Variants in CFAP46 observed in about 807,000 individuals in gnomAD.
CFAP46 encodes the protein cilia and flagella associated protein 46, also known as cilia- and flagella-associated protein 46.
Under a neutral mutation model 325.7 loss-of-function variants are expected in CFAP46, and 245 were observed. The ratio of observed to expected loss-of-function variants is 0.75; its 90% CI spans 0.68 to 0.84. The LOEUF (loss-of-function observed/expected upper bound fraction) is 0.84. Ranked by LOEUF, CFAP46 falls within the 40% of genes least tolerant of loss-of-function variation. The probability of loss-of-function intolerance (pLI) is 0.00; values close to 1 mark genes in which losing one functional copy is unlikely to be tolerated. For missense variants in CFAP46, 3,346 were observed against 3,543.0 expected (o/e 0.94, Z 1.41); for synonymous variants, 1,523 against 1,495.9 (o/e 1.02, Z -0.42).
intron 9 of CFAP46, 85 bp from the exon 10 acceptor site, chr10:132,926,751 A>G: frequency 1.0e-6 from 1 of 979,752 alleles, no homozygotes; most frequent in South Asian, 1.4e-5. Flanking sequence ...GGCATTTAAA[A>G]TATTACTGGG....
At chr10:132,907,969 GC>G (rs762244420) in intron 22 of CFAP46, among the ~76,000 whole-genome samples, 2 of 152,228 alleles carry the variant, frequency 1.3e-5, no homozygotes, top group Non-Finnish European at 2.9e-5. Flanking sequence ...TGGGGTGGGA[GC>G]CCCCCGGTCT....
Position 132,889,547 on chromosome 10 carries a change from C to T in CFAP46, c.3304+2786G>A, listed in dbSNP as rs1463580648. Among the ~76,000 whole-genome samples the T allele has an allele frequency of 1.3e-5, 2 of 152,194 alleles. No homozygotes were observed. Among genetic ancestry groups the T allele is most frequent in the African/African-American group, 4.8e-5 (2 of 41,442 alleles). ...ACCAGGGTCCAATGAACTTGGAAAC[C>T]ACACATAGGGTCGCAGGGAGTCCTC... On this transcript the variant is annotated intron_variant, in intron 25 of 57. Transcript: ENST00000368586. The surrounding 1 kb of genome is among the most constrained non-coding windows in gnomAD (Gnocchi z 6.0).
rs549889013 is a variant in CFAP46, at chr10:132,935,580, A to G, written c.756-718T>C. ...ACACTGCGATCTTCTCATTCCCCTC[A>G]GCACCCAAACCCACTGTGATCTCCT... is the stretch of plus-strand genomic sequence containing the variant. On this transcript the variant is annotated intron_variant, in intron 7 of 57. Transcript: ENST00000368586. Among the ~76,000 whole-genome samples the G allele has an allele frequency of 8.4e-4, 104 of 123,988 alleles. 1 individual carries two copies. Among genetic ancestry groups the G allele is most frequent in the African/African-American group, 2.6e-3 (78 of 29,850 alleles). 81.3% of individuals were successfully genotyped at this position (123,988 alleles called of 152,430 possible).
Position 132,881,761 on chromosome 10 carries a change from G to C in CFAP46, c.3628-729C>G, listed in dbSNP as rs553482818. Among the ~76,000 whole-genome samples, 4 of 152,390 alleles carry C rather than the reference G, an allele frequency of 2.6e-5. No individual in the cohort carries two copies. In the East Asian group the frequency reaches 7.7e-4, roughly 29 times the overall value. Reference sequence around the variant, plus strand: ...ACTCTTCTCCAGCAGGGTGGACCTCGCACTGGCACCACACCACGTGCCATG... The same window carrying C: ...ACTCTTCTCCAGCAGGGTGGACCTCCCACTGGCACCACACCACGTGCCATG... On this transcript the variant is annotated intron_variant, in intron 27 of 57. Transcript: ENST00000368586.
At chr10:132,917,467 G>A (rs867667028) in intron 16 of CFAP46, among the ~76,000 whole-genome samples, 9 of 152,364 alleles carry the variant, frequency 5.9e-5, no homozygotes, top group Admixed American at 1.3e-4. Flanking sequence ...GGGAGTCTCT[G>A]AGCCTGCGTG....
chr10:132,885,745 G>T (rs1423516118), intron 26 of CFAP46, 76 bp downstream of exon 26: 1 of 1,449,400 alleles, frequency 6.9e-7, no homozygotes, highest in African/African-American at 1.5e-5. Flanking sequence ...AGGCGGTGTG[G>T]GGAGCACTCA....
intron 44 of CFAP46, among the ~76,000 whole-genome samples, chr10:132,843,643 T>C (rs12780956): frequency 3.3e-4 from 21 of 64,462 alleles, no homozygotes; most frequent in African/African-American, 6.1e-4. Context: ...CCCAGGGTGC[T>C]GTGGGGCTCT....
intron 50 of CFAP46, among the ~76,000 whole-genome samples, chr10:132,816,558 C>G (rs1432290039): frequency 2.6e-5 from 4 of 152,094 alleles, no homozygotes; most frequent in African/African-American, 7.2e-5. Context: ...GTCTCGATCT[C>G]CTGACCTTGG....
At chr10:132,888,392 A>C (rs1849200747) in intron 25 of CFAP46, among the ~76,000 whole-genome samples, 1 of 47,124 alleles carries the variant, frequency 2.1e-5, no homozygotes, top group Non-Finnish European at 3.6e-5. Context: ...TGCCGCCTGC[A>C]CCCCTGCCGC....
In CFAP46 at chr10:132,918,509, GCTT is replaced by G. The variant is rs747424728; in HGVS notation, c.1867_1869del (p.Lys623del). 1.1e-5 allele frequency: 16 copies of G among 1,517,428 alleles called. No homozygotes were observed. Among genetic ancestry groups the G allele is most frequent in the Non-Finnish European group, 1.4e-5 (16 of 1,124,222 alleles). The allele number at this position is 1,517,428 out of a possible 1,614,324, so 94.0% of individuals were successfully genotyped here. A position where few individuals can be genotyped will look rare whatever the true frequency, so the allele number is the denominator to read the frequency against. ...TCCTGCACCGAGCCGTCCCTACCTC[GCTT>G]CTTCTTCCCTGAGAGAAATGGCAGC... On this transcript the variant is annotated inframe_deletion, in exon 16 of 58. Coordinates refer to ENST00000368586, the MANE Select transcript of CFAP46 (RefSeq NM_001200049.3).
intron 13 of CFAP46, 79 bp from the exon 14 acceptor site, chr10:132,920,261 T>G: frequency 1.4e-6 from 2 of 1,422,198 alleles, no homozygotes; most frequent in Non-Finnish European, 1.8e-6. Context: ...ACCAATGCCC[T>G]GCGCCGGCGC....
rs539856531 is a variant in CFAP46, at chr10:132,884,861, G to A, written c.3627+242C>T. Among the ~76,000 whole-genome samples, 19 of 152,142 alleles carry A rather than the reference G, an allele frequency of 1.2e-4. No homozygotes were observed. Among genetic ancestry groups the A allele is most frequent in the East Asian group, 1.9e-4 (1 of 5,172 alleles). ...GGCCCCCCTCACCCTGCTCAGGGAC[G>A]AGGACCTGACCACGACCCCTCCATG... On this transcript the variant is annotated intron_variant, in intron 27 of 57. Transcript: ENST00000368586. The surrounding 1 kb of genome is among the most constrained non-coding windows in gnomAD (Gnocchi z 5.4).
intron 50 of CFAP46, among the ~76,000 whole-genome samples, chr10:132,826,173 C>T (rs1848044618): frequency 8.2e-6 from 1 of 122,678 alleles, no homozygotes; most frequent in African/African-American, 3.3e-5. Context: ...GCCGGAGCCA[C>T]GGAGACCAGC....
chr10:132,933,356 C>T (rs922909252), intron 8 of CFAP46, among the ~76,000 whole-genome samples: 2 of 152,210 alleles, frequency 1.3e-5, no homozygotes, highest in African/African-American at 2.4e-5. Context: ...CTGAGAATGC[C>T]GCCTGTGGAC....
chr10:132,926,701 T>A (rs1262020071), intron 9 of CFAP46, 35 bp from the exon 10 acceptor site: 2 of 1,422,140 alleles, frequency 1.4e-6, no homozygotes, highest in African/African-American at 1.4e-5. Flanking sequence ...AAGATGGAGA[T>A]CTGTAAGGGA....
At chr10:132,810,901 C>A (rs1165494910) in intron 56 of CFAP46, 49 bp downstream of exon 56, 2 of 1,520,794 alleles carry the variant, frequency 1.3e-6, no homozygotes, top group Non-Finnish European at 8.9e-7. Context: ...GTCTGTCTGA[C>A]CTCTCCATCC....
chr10:132,864,698 C>CAGTG (rs1848786594), intron 35 of CFAP46, among the ~76,000 whole-genome samples: 1 of 132,642 alleles, frequency 7.5e-6, no homozygotes, highest in African/African-American at 3.6e-5. Context: ...CACCTGTCCC[C>CAGTG]CTGCCTGAGA....
At position 132,893,590 on chromosome 10, in the gene CFAP46, A is replaced by G. The variant is rs966609605; in HGVS notation, c.3220-1173T>C. On this transcript the variant is annotated intron_variant, in intron 24 of 57. Coordinates refer to ENST00000368586, the MANE Select transcript of CFAP46 (RefSeq NM_001200049.3). ...GCCTTTCTCACCCTTCAAATTGTCT[A>G]TGAGCCTCATCTTTTGTGGCAATGT... is the stretch of plus-strand genomic sequence containing the variant. Among the ~76,000 whole-genome samples, 5 of 152,266 alleles carry G rather than the reference A, an allele frequency of 3.3e-5. No individual in the cohort carries two copies. In the South Asian group the frequency reaches 6.2e-4, roughly 19 times the overall value.
At chr10:132,813,774 C>T (rs1847633942) in intron 54 of CFAP46, among the ~76,000 whole-genome samples, 1 of 152,176 alleles carries the variant, frequency 6.6e-6, no homozygotes, top group Admixed American at 6.5e-5. Context: ...GTGCTCTCTC[C>T]CTGATTGCTC....
Sources: gnomAD v4.1 joint callset for allele counts (sites outside exome capture counted in the v4.1 genomes callset) on GRCh38, gnomAD v4.1.1 for gene constraint, Gnocchi (gnomAD v3.1) non-coding constraint, MANE v1.5 for transcripts, NCBI Gene and HGNC (gene_info 2026-07-23, HGNC 2026-07-21) for gene names.